Variants in CLNK observed in about 807,000 individuals in gnomAD.
CLNK encodes cytokine-dependent hematopoietic cell linker.
CLNK carries 74 observed loss-of-function variants against 68.6 expected under a neutral mutation model. That is an observed-to-expected ratio of 1.08 (90% CI 0.89 to 1.31). The LOEUF is 1.31. Ranked by LOEUF, CLNK falls within the 50% of genes most tolerant of loss-of-function variation. The pLI is 0.00. For missense variants in CLNK, 553 were observed against 515.3 expected, an observed-to-expected ratio of 1.07 and a Z score of -0.71; for synonymous variants, 198 against 172.2, an observed-to-expected ratio of 1.15 and a Z score of -1.17.
At chr4:10,626,993 A>T (rs1722699086) in intron 2 of CLNK, among the ~76,000 whole-genome samples, 1 of 152,214 alleles carries the variant, frequency 6.6e-6, no homozygotes, top group African/African-American at 2.4e-5. Flanking sequence ...TTCTCATGAT[A>T]CAGCCAGCCT....
At chr4:10,726,685 C>T in the CLNK span, among the ~76,000 whole-genome samples, 1 of 152,150 alleles carries the variant, frequency 6.6e-6, no homozygotes, top group Non-Finnish European at 1.5e-5. Context: ...ACCTTTTTAA[C>T]CTTTCAATTA....
chr4:10,585,190 C>T (rs2108837094), intron 3 of CLNK, among the ~76,000 whole-genome samples: 1 of 152,272 alleles, frequency 6.6e-6, no homozygotes, highest in South Asian at 2.1e-4. Context: ...ATTGACACCA[C>T]AGGTTATATG....
intron 3 of CLNK, among the ~76,000 whole-genome samples, chr4:10,595,040 G>T (rs550102762): frequency 2.6e-5 from 4 of 151,852 alleles, no homozygotes; most frequent in Middle Eastern, 3.4e-3. Flanking sequence ...GAGATTGCGC[G>T]ATTGCACTCC....
chr4:10,665,662 C>CAAA (rs57998581), intron 2 of CLNK, among the ~76,000 whole-genome samples: 10,705 of 62,634 alleles, frequency 0.17, 762 homozygotes, highest in Non-Finnish European at 0.23. Context: ...GACTTCGTCT[C>CAAA]AAAAAAAAAA....
the CLNK span, among the ~76,000 whole-genome samples, chr4:10,709,673 A>G: frequency 6.6e-6 from 1 of 152,142 alleles, no homozygotes; most frequent in Non-Finnish European, 1.5e-5. Flanking sequence ...TGGGCAACAG[A>G]TTGTGGCGGA....
At chr4:10,522,811 G>C (rs1039331093) in intron 14 of CLNK, among the ~76,000 whole-genome samples, 1 of 152,200 alleles carries the variant, frequency 6.6e-6, no homozygotes, top group African/African-American at 2.4e-5. Flanking sequence ...AGTAGTAAAA[G>C]GTCATGTAAA....
At chr4:10,658,774 T>C (rs1724079720) in intron 2 of CLNK, among the ~76,000 whole-genome samples, 1 of 152,188 alleles carries the variant, frequency 6.6e-6, no homozygotes. Flanking sequence ...ACTCTGTTGG[T>C]CAAAACTGCT....
chr4:10,521,253 C>A (rs1258941215), intron 14 of CLNK, among the ~76,000 whole-genome samples: 1 of 152,056 alleles, frequency 6.6e-6, no homozygotes, highest in African/African-American at 2.4e-5. Context: ...TTATTGTATT[C>A]CTTCTAGAAA....
chr4:10,709,061 T>G, the CLNK span, among the ~76,000 whole-genome samples: 1 of 152,198 alleles, frequency 6.6e-6, no homozygotes, highest in Non-Finnish European at 1.5e-5. Context: ...CTTAATCATT[T>G]TAATAAAAGC....
intron 18 of CLNK, among the ~76,000 whole-genome samples, chr4:10,497,416 AT>A (rs1411450552): frequency 6.6e-6 from 1 of 152,210 alleles, no homozygotes; most frequent in Non-Finnish European, 1.5e-5. Flanking sequence ...TGGGAAAAAA[AT>A]AAGGAACGCA....
At chr4:10,725,717 T>C in the CLNK span, among the ~76,000 whole-genome samples, 311 of 151,702 alleles carry the variant, frequency 2.1e-3, 1 homozygote, top group African/African-American at 6.9e-3. Context: ...TAGCCGGGCG[T>C]GTTGGCGGGC....
intron 2 of CLNK, among the ~76,000 whole-genome samples, chr4:10,612,504 T>A (rs896270503): frequency 6.6e-6 from 1 of 152,206 alleles, no homozygotes; most frequent in Admixed American, 6.5e-5. Context: ...GGAGGCAAAG[T>A]ATATTGTTTG....
At position 10,488,967 on chromosome 4, in the gene CLNK, G is replaced by A. The variant is rs1716449618; in HGVS notation, c.*1500C>T. Reference sequence around the variant, plus strand: ...GATATACTGTTATTTTCGACAGACAGTATGTTTTTTAAAAAAGCTTATTCC... The same window carrying A: ...GATATACTGTTATTTTCGACAGACAATATGTTTTTTAAAAAAGCTTATTCC... On this transcript the variant is annotated 3_prime_UTR_variant, in exon 19 of 19. Transcript: ENST00000226951. 1 of 152,102 alleles carries A rather than the reference G, an allele frequency of 6.6e-6. No homozygotes were observed. The highest frequency in any genetic ancestry group is 2.4e-5 in the African/African-American group (1 of 41,422). 9.4% of individuals were successfully genotyped at this position (152,102 alleles called of 1,614,324 possible). A position where few individuals can be genotyped will look rare whatever the true frequency, so the allele number is the denominator to read the frequency against.
At chr4:10,621,601 G>A (rs6813534) in intron 2 of CLNK, among the ~76,000 whole-genome samples, 1,529 of 152,266 alleles carry the variant, frequency 0.01, 13 homozygotes, top group Middle Eastern at 0.031. Context: ...AATTAATTCT[G>A]TCCTTAGATT....
In CLNK at chr4:10,520,846, G is replaced by A; in HGVS notation, c.732-15C>T. 3 of 1,586,730 alleles carry A rather than the reference G, an allele frequency of 1.9e-6. No individual in the cohort carries two copies. The highest frequency in any genetic ancestry group is 2.6e-6 in the Non-Finnish European group (3 of 1,161,910). On this transcript the variant is annotated splice_polypyrimidine_tract_variant and intron_variant, in intron 14 of 18. Transcript: ENST00000226951. ...TGAATGAAGAACTATAAGAAAATATGTTAAAATTCAAAGAATGTTAGTATT... is the reference window on the plus strand; with the variant it reads ...TGAATGAAGAACTATAAGAAAATATATTAAAATTCAAAGAATGTTAGTATT...
intron 17 of CLNK, among the ~76,000 whole-genome samples, chr4:10,507,498 C>G (rs1717357785): frequency 6.6e-6 from 1 of 151,340 alleles, no homozygotes; most frequent in African/African-American, 2.4e-5. Flanking sequence ...GCATCTCACT[C>G]TGTTGCCCAG....
chr4:10,695,277 C>A, the CLNK span, among the ~76,000 whole-genome samples: 1 of 152,074 alleles, frequency 6.6e-6, no homozygotes, highest in South Asian at 2.1e-4. Context: ...GTGCCATAAC[C>A]TCACATTGTA....
chr4:10,712,836 C>G, the CLNK span, among the ~76,000 whole-genome samples: 1 of 152,212 alleles, frequency 6.6e-6, no homozygotes, highest in Non-Finnish European at 1.5e-5. Flanking sequence ...TGTGGACCAA[C>G]TGATGCCCAC....
intron 4 of CLNK, among the ~76,000 whole-genome samples, chr4:10,583,265 C>A (rs1222595373): frequency 6.6e-6 from 1 of 151,928 alleles, no homozygotes; most frequent in Non-Finnish European, 1.5e-5. Context: ...GCTGTTATTT[C>A]TTTCTCTCTC....
Sources: allele counts gnomAD v4.1 joint callset (sites outside exome capture counted in the v4.1 genomes callset), GRCh38; gene constraint gnomAD v4.1.1; transcripts MANE v1.5; gene names NCBI Gene and HGNC (gene_info 2026-07-23, HGNC 2026-07-21).